FILIP1: variants seen among roughly 807,000 people sequenced by gnomAD.
FILIP1 encodes filamin A interacting protein 1, also known as filamin-A-interacting protein 1.
In FILIP1, 61 loss-of-function variants were observed where a neutral mutation model predicts 102.1. The ratio of observed to expected loss-of-function variants is 0.60; its 90% CI spans 0.49 to 0.74. The LOEUF (loss-of-function observed/expected upper bound fraction) is 0.74. Ranked by LOEUF, FILIP1 falls within the 30% of genes least tolerant of loss-of-function variation. The pLI is 0.00. For missense variants in FILIP1, 1,314 were observed against 1,441.2 expected, an observed-to-expected ratio of 0.91 and a Z score of 1.43; for synonymous variants, 491 against 526.9, an observed-to-expected ratio of 0.93 and a Z score of 0.93.
At chr6:75,334,626 G>T (rs1210291781) in intron 4 of FILIP1, 6 of 152,120 alleles carry the variant, frequency 3.9e-5, no homozygotes. Context: ...AATCAAAACA[G>T]ATCTTGACTT....
chr6:75,433,567 A>T (rs925919578), intron 1 of FILIP1, among the ~76,000 whole-genome samples: 1 of 152,088 alleles, frequency 6.6e-6, no homozygotes, highest in Non-Finnish European at 1.5e-5. Context: ...TAGATTCTGG[A>T]TATTAGCCCT....
intron 6 of FILIP1, among the ~76,000 whole-genome samples, chr6:75,301,459 G>T (rs1772835210): frequency 6.6e-6 from 1 of 152,088 alleles, no homozygotes; most frequent in South Asian, 2.1e-4. Flanking sequence ...TTTTTTTAAA[G>T]GGTTTGTTGC....
chr6:75,453,366 A>G (rs1349952294), intron 1 of FILIP1, among the ~76,000 whole-genome samples: 1 of 152,232 alleles, frequency 6.6e-6, no homozygotes, highest in Non-Finnish European at 1.5e-5. Context: ...TTGATGCTTC[A>G]ACTAGATTTT....
chr6:75,322,945 C>T (rs1179429224), intron 4 of FILIP1, among the ~76,000 whole-genome samples: 3 of 152,160 alleles, frequency 2.0e-5, no homozygotes, highest in Non-Finnish European at 4.4e-5. Context: ...CCACCCACCT[C>T]GGCCTCCCAA....
At chr6:75,419,481 T>C (rs2998382) in intron 1 of FILIP1, among the ~76,000 whole-genome samples, 101,277 of 151,964 alleles carry the variant, frequency 0.67, 34,281 homozygotes, top group African/African-American at 0.77. Context: ...TTAATTTCTA[T>C]TTTAAAATTA....
intron 2 of FILIP1, among the ~76,000 whole-genome samples, chr6:75,373,665 A>T (rs1201334491): frequency 1.3e-5 from 2 of 150,628 alleles, no homozygotes; most frequent in Non-Finnish European, 2.9e-5. Flanking sequence ...TAAGAAAAGA[A>T]AATTAAAATC....
chr6:75,432,949 T>C (rs910181976), intron 1 of FILIP1, among the ~76,000 whole-genome samples: 2 of 152,202 alleles, frequency 1.3e-5, no homozygotes, highest in African/African-American at 2.4e-5. Context: ...GTCCTTGTGA[T>C]AGTTTGCTCC....
exon 7 of FILIP1, chr6:75,293,776 CTAATA>C (rs1230718363): frequency 6.6e-6 from 1 of 152,148 alleles, no homozygotes; most frequent in African/African-American, 2.4e-5. Flanking sequence ...AAATACTAAT[CTAATA>C]TATCAAATAA....
exon 7 of FILIP1, chr6:75,292,802 TC>T (rs1358556171): frequency 6.6e-6 from 1 of 152,206 alleles, no homozygotes; most frequent in Non-Finnish European, 1.5e-5. Flanking sequence ...TTCCTTCATT[TC>T]CAGGAAAACT....
intron 1 of FILIP1, among the ~76,000 whole-genome samples, chr6:75,442,015 G>A (rs9343289): frequency 0.36 from 53,178 of 147,554 alleles, 8,942 homozygotes; most frequent in Non-Finnish European, 0.45. Flanking sequence ...CTGCTGGGCG[G>A]AGGGGCTCCT....
chr6:75,403,484 G>A (rs1161425948), intron 2 of FILIP1, among the ~76,000 whole-genome samples: 1 of 117,242 alleles, frequency 8.5e-6, no homozygotes, highest in African/African-American at 3.5e-5. Context: ...CTGTGCTCCA[G>A]CCTGGGCAAC....
intron 2 of FILIP1, among the ~76,000 whole-genome samples, chr6:75,384,147 C>A (rs756605770): frequency 2.2e-4 from 33 of 151,854 alleles, no homozygotes; most frequent in Non-Finnish European, 4.1e-4. Context: ...ATTTTTTTTA[C>A]CTGAATCTAT....
intron 2 of FILIP1, among the ~76,000 whole-genome samples, chr6:75,372,711 AAGGAAAGAAAG>A (rs1775594591): frequency 9.3e-5 from 5 of 54,038 alleles, no homozygotes; most frequent in South Asian, 7.4e-4. Context: ...GAAAGAAAGA[AAGGAAAGAAAG>A]AGAAAGAGAA....
intron 4 of FILIP1, among the ~76,000 whole-genome samples, chr6:75,345,191 C>T (rs1182866980): frequency 6.6e-6 from 1 of 152,058 alleles, no homozygotes; most frequent in Non-Finnish European, 1.5e-5. Context: ...TGCTCAAGCC[C>T]TCCCTTTCAA....
intron 1 of FILIP1, among the ~76,000 whole-genome samples, chr6:75,443,466 T>C (rs993612709): frequency 6.6e-6 from 1 of 152,202 alleles, no homozygotes; most frequent in Non-Finnish European, 1.5e-5. Context: ...GAAAAATGGA[T>C]ATATCCCTGA....
intron 2 of FILIP1, among the ~76,000 whole-genome samples, chr6:75,409,474 T>C (rs1776981719): frequency 6.6e-6 from 1 of 152,162 alleles, no homozygotes; most frequent in South Asian, 2.1e-4. Context: ...CTCCTGGGTA[T>C]AGGCCAAACT....
intron 2 of FILIP1, among the ~76,000 whole-genome samples, chr6:75,379,120 T>C (rs1347173100): frequency 1.3e-5 from 2 of 152,202 alleles, no homozygotes; most frequent in African/African-American, 4.8e-5. Flanking sequence ...AATATTACCC[T>C]TTAAAATGAA....
intron 1 of FILIP1, among the ~76,000 whole-genome samples, chr6:75,436,102 G>C (rs915043331): frequency 1.6e-4 from 24 of 152,302 alleles, no homozygotes; most frequent in Admixed American, 1.6e-3. Context: ...GCTGGGTACA[G>C]TGGCTCATGC....
chr6:75,309,367 T>G (rs115876788), intron 5 of FILIP1, among the ~76,000 whole-genome samples: 84 of 152,280 alleles, frequency 5.5e-4, no homozygotes, highest in African/African-American at 2.0e-3. Context: ...TTTAAAGTGC[T>G]CCTAACACTG....
Sources: allele counts gnomAD v4.1 joint callset (sites outside exome capture counted in the v4.1 genomes callset), GRCh38; gene constraint gnomAD v4.1.1; transcripts MANE v1.5; gene names NCBI Gene and HGNC (gene_info 2026-07-23, HGNC 2026-07-21).